GATA5: variants seen among roughly 807,000 people sequenced by gnomAD.
GATA5 encodes the protein transcription factor GATA-5.
GATA5 carries 27 observed loss-of-function variants against 35.0 expected under a neutral mutation model. The observed-to-expected ratio is 0.77, with a 90% confidence interval of 0.57 to 1.06. GATA5 has a LOEUF of 1.06. GATA5 is among the 50% of genes least tolerant of loss of function. The probability of loss-of-function intolerance (pLI) is 0.00; values close to 1 mark genes in which losing one functional copy is unlikely to be tolerated. For missense variants in GATA5, 612 were observed against 580.0 expected (o/e 1.06, Z -0.57); for synonymous variants, 306 against 267.8 (o/e 1.14, Z -1.39).
At position 62,470,360 on chromosome 20, in the gene GATA5, A is replaced by G. The variant is rs1457487150; in HGVS notation, c.699+3043T>C. ...GAGATGGAAGACTGGGCCGTGGACA[A>G]CCAGAGGCTGCTGTGCCGCAGAGTC... On this transcript the variant is annotated intron_variant, in intron 3 of 6. Transcript: ENST00000252997. The surrounding 1 kb of genome is among the most constrained non-coding windows in gnomAD (Gnocchi z 4.6). 6.6e-6 allele frequency among the ~76,000 whole-genome samples: 1 copy of G among 152,190 alleles called. No individual in the cohort carries two copies. Among genetic ancestry groups the G allele is most frequent in the African/African-American group, 2.4e-5 (1 of 41,456 alleles).
intron 3 of GATA5, 81 bp from the exon 4 acceptor site, chr20:62,466,632 G>C: frequency 1.4e-6 from 2 of 1,472,356 alleles, no homozygotes; most frequent in Non-Finnish European, 1.8e-6. Context: ...GACTCAGGTC[G>C]GCCTTGCGGC....
rs139428354 is a variant in GATA5, at chr20:62,473,424, G to T, written c.678C>A (p.Leu226=). 1 of 1,608,908 alleles carries T rather than the reference G, an allele frequency of 6.2e-7. No homozygotes were observed. ...YHKMNGVNRP[L]VRPQKRLSSS... ...TCACCAGGCGCTTCTGAGGCCGAAC[G>T]AGCGGCCGGTTGACGCCATTCATCT... The change falls in exon 3 of 7, where the codon CTC becomes CTA. Residue 226 remains leucine (L), a synonymous_variant. Transcript: ENST00000252997.
At position 62,473,493 on chromosome 20, in the gene GATA5, G is replaced by T; in HGVS notation, c.609C>A (p.Asp203Glu). 6.2e-7 allele frequency: 1 copy of T among 1,609,024 alleles called. No individual in the cohort carries two copies. The highest frequency in any genetic ancestry group is 8.5e-7 in the Non-Finnish European group (1 of 1,178,230). The change falls in exon 3 of 7, where the codon GAC becomes GAA. Residue 203 changes from aspartate (D) to glutamate (E), a missense_variant. Transcript: ENST00000252997. Reference protein sequence around the residue: ...GALSTPLWRRDGTGHYLCNAC... With the variant: ...GALSTPLWRREGTGHYLCNAC... ...CATTGCACAGGTAGTGGCCGGTGCCGTCTCGGCGCCACAGCGGTGTGGACA... is the reference window on the plus strand; with the variant it reads ...CATTGCACAGGTAGTGGCCGGTGCCTTCTCGGCGCCACAGCGGTGTGGACA...
Position 62,464,678 on chromosome 20 carries a change from A to G in GATA5, c.*158T>C, listed in dbSNP as rs1989531798. 1.6e-6 allele frequency: 1 copy of G among 631,494 alleles called. No homozygotes were observed. Among genetic ancestry groups the G allele is most frequent in the Admixed American group, 3.1e-5 (1 of 32,050 alleles). The allele number at this position is 631,494 out of a possible 1,614,324, so 39.1% of individuals were successfully genotyped here. On this transcript the variant is annotated 3_prime_UTR_variant, in exon 7 of 7. Transcript: ENST00000252997. ...TCTGGGGCCCGACTGCCGTCTGTCC[A>G]GAAGGCCTCCCCACCACTGTGTGGA...
At chr20:62,466,020 C>T in intron 4 of GATA5, 99 bp from the exon 5 acceptor site, 2 of 873,678 alleles carry the variant, frequency 2.3e-6, no homozygotes, top group Admixed American at 2.1e-5. Flanking sequence ...GCCGGTCACT[C>T]CTGGAGCTGG....
chr20:62,472,428 G>A (rs1555896660), intron 3 of GATA5, among the ~76,000 whole-genome samples: 1 of 152,204 alleles, frequency 6.6e-6, no homozygotes, highest in Non-Finnish European at 1.5e-5. Flanking sequence ...CAGGCATCTA[G>A]AACAGCCACC....
chr20:62,465,369 C>A lies in GATA5; in HGVS notation c.1009G>T (p.Val337Leu), dbSNP rs782066173. 6.9e-6 allele frequency: 11 copies of A among 1,603,648 alleles called. No homozygotes were observed. Among genetic ancestry groups the A allele is most frequent in the South Asian group, 2.2e-5 (2 of 90,950 alleles). The change falls in exon 6 of 7, where the codon GTG (valine) becomes TTG (leucine). Residue 337 changes from valine (V) to leucine (L), a missense_variant. By Grantham distance (32) the Val-to-Leu change is conservative (BLOSUM62 1). Transcript: ENST00000252997. Reference protein sequence around the residue: ...SKAKPSLASPVCPGPSMAPQA... With the variant: ...SKAKPSLASPLCPGPSMAPQA... ...GGGGCCATGCTGGGCCCAGGGCACACTGGGGACGCCAGGCTGGGCTTGGCT... is the reference window on the plus strand; with the variant it reads ...GGGGCCATGCTGGGCCCAGGGCACAATGGGGACGCCAGGCTGGGCTTGGCT...
chr20:62,471,371 A>T lies in GATA5; in HGVS notation c.699+2032T>A, dbSNP rs970511781. ...AGCTCCCTACCACTTCTCTTTTTTA[A>T]AAAAAAATTTAATTTAACTTAAAAT... On this transcript the variant is annotated intron_variant, in intron 3 of 6. Transcript: ENST00000252997. Among the ~76,000 whole-genome samples the T allele has an allele frequency of 1.8e-4, 28 of 151,414 alleles. No individual in the cohort carries two copies. In the East Asian group the frequency reaches 4.3e-3, roughly 23 times the overall value.
intron 3 of GATA5, among the ~76,000 whole-genome samples, chr20:62,467,307 G>A (rs6142773): frequency 1.3e-5 from 2 of 152,210 alleles, no homozygotes; most frequent in African/African-American, 4.8e-5. Flanking sequence ...CCCTGTTGAA[G>A]GTGGACCAGG....
rs781786523 is a variant in GATA5 at position 62,464,802 on chromosome 20, A to G, written c.*34T>C. On this transcript the variant is annotated 3_prime_UTR_variant, in exon 7 of 7. Coordinates refer to ENST00000252997, the MANE Select transcript of GATA5 (RefSeq NM_080473.5). ...GGTGACTCAGTGGGTGGTCTGTTCC[A>G]GGCTGTTCCCCTGACATGGGCTGGC... 1.9e-5 allele frequency: 30 copies of G among 1,550,392 alleles called. No individual in the cohort carries two copies. The highest frequency in any genetic ancestry group is 2.6e-5 in the Non-Finnish European group (30 of 1,147,062).
Position 62,473,413 on chromosome 20 carries a change from T to G in GATA5, c.689A>C (p.Gln230Pro), listed in dbSNP as rs1555896746. 1.9e-6 allele frequency: 3 copies of G among 1,606,568 alleles called. No homozygotes were observed. Among genetic ancestry groups the G allele is most frequent in the Non-Finnish European group, 2.5e-6 (3 of 1,177,260 alleles). ...NGVNRPLVRPQKRLSSSRRAG... is the reference protein window; with the variant it reads ...NGVNRPLVRPPKRLSSSRRAG... ...CCAGCCCGAACTCACCAGGCGCTTC[T>G]GAGGCCGAACGAGCGGCCGGTTGAC... The change falls in exon 3 of 7, where the codon CAG becomes CCG. Residue 230 changes from glutamine to proline, a missense_variant. Transcript: ENST00000252997.
rs377715965 is a variant in GATA5 at position 62,470,256 on chromosome 20, G to C, written c.699+3147C>G. 1.4e-3 allele frequency among the ~76,000 whole-genome samples: 212 copies of C among 152,328 alleles called. No individual in the cohort carries two copies. Among genetic ancestry groups the C allele is most frequent in the Non-Finnish European group, 2.4e-3 (160 of 68,016 alleles). ...GAAGGAGGTTCGAGCCTGGCTTGGA[G>C]GGATGAAGCGCACACGCCGGGAAAC... On this transcript the variant is annotated intron_variant, in intron 3 of 6. Coordinates refer to ENST00000252997, the MANE Select transcript of GATA5 (RefSeq NM_080473.5). This position sits in a 1 kb window ranked among gnomAD's most constrained non-coding sequence, Gnocchi z 4.6.
intron 6 of GATA5, 144 bp from the exon 7 acceptor site, chr20:62,465,135 A>T (rs1989548537): frequency 1.1e-6 from 1 of 889,966 alleles, no homozygotes; most frequent in Admixed American, 2.9e-5. Flanking sequence ...GGCATGGGGG[A>T]CCCCACGTGA....
At chr20:62,475,620 G>A (rs1484096305) in intron 1 of GATA5, 78 bp from the exon 2 acceptor site, 4 of 985,756 alleles carry the variant, frequency 4.1e-6, no homozygotes, top group Non-Finnish European at 3.9e-6. Context: ...TGCCGGGCAG[G>A]TGCCGCCGCT....
rs997556291 is a variant in GATA5, at chr20:62,464,611, G to A, written c.*225C>T. The A allele has an allele frequency of 6.8e-6, 3 of 439,764 alleles. No individual in the cohort carries two copies. Among genetic ancestry groups the A allele is most frequent in the South Asian group, 4.9e-5 (1 of 20,504 alleles). 27.2% of individuals were successfully genotyped at this position (439,764 alleles called of 1,614,324 possible). On this transcript the variant is annotated 3_prime_UTR_variant, in exon 7 of 7. Transcript: ENST00000252997. ...GCACCTGGGGAGTCCCTTGCTGTAC[G>A]TGGGGTGGGAAGCTGAGCCCTTCCC... is the stretch of plus-strand genomic sequence containing the variant.
chr20:62,466,994 C>G (rs1445613345), intron 3 of GATA5, among the ~76,000 whole-genome samples: 2 of 152,232 alleles, frequency 1.3e-5, no homozygotes, highest in African/African-American at 4.8e-5. Context: ...CACCCGCCTC[C>G]CAGGCCGGGG....
intron 3 of GATA5, among the ~76,000 whole-genome samples, chr20:62,472,093 G>A (rs1330234197): frequency 2.0e-5 from 3 of 152,006 alleles, no homozygotes; most frequent in African/African-American, 7.3e-5. Flanking sequence ...TGAGGGCCAC[G>A]TGGACGCCAG....
At chr20:62,474,236 C>G (rs1488205150) in intron 2 of GATA5, among the ~76,000 whole-genome samples, 2 of 152,238 alleles carry the variant, frequency 1.3e-5, no homozygotes, top group African/African-American at 4.8e-5. Flanking sequence ...CTGGTCCCCT[C>G]CAGGCCCGGC....
chr20:62,466,273 C>T (rs1989584354), intron 4 of GATA5, among the ~76,000 whole-genome samples, 153 bp downstream of exon 4: 1 of 152,246 alleles, frequency 6.6e-6, no homozygotes, highest in South Asian at 2.1e-4. Context: ...GGTGGTGCCG[C>T]AGTCGGCCGG....
Sources: gnomAD v4.1 joint callset for allele counts (sites outside exome capture counted in the v4.1 genomes callset) on GRCh38, gnomAD v4.1.1 for gene constraint, Gnocchi (gnomAD v3.1) non-coding constraint, MANE v1.5 for transcripts, NCBI Gene and HGNC (gene_info 2026-07-23, HGNC 2026-07-21) for gene names.